Variants in C12orf76 observed in about 807,000 individuals in gnomAD.
C12orf76 encodes chromosome 12 open reading frame 76, also known as uncharacterized protein C12orf76.
Under a neutral mutation model 6.8 loss-of-function variants are expected in C12orf76, and 6 were observed. That is an observed-to-expected ratio of 0.88 (90% CI 0.48 to 1.73). The LOEUF (loss-of-function observed/expected upper bound fraction) is 1.73. C12orf76 is among the 40% of genes most tolerant of loss of function. C12orf76 has a pLI of 0.01. For synonymous variants in C12orf76, 56 were observed against 43.7 expected, an observed-to-expected ratio of 1.28 and a Z score of -1.11; for missense variants, 99 against 98.2, an observed-to-expected ratio of 1.01 and a Z score of -0.03.
upstream of C12orf76, chr12:110,050,851 C>T: frequency 3.3e-6 from 2 of 605,718 alleles, no homozygotes; most frequent in South Asian, 2.0e-5. Context: ...GCGCTAGATC[C>T]AAGAACCCCC....
chr12:110,066,028 C>T (rs1341095053), exon 2 of C12orf76: 2 of 1,586,308 alleles, frequency 1.3e-6, no homozygotes, highest in South Asian at 1.1e-5. Flanking sequence ...CAAGCTCTCA[C>T]ATCACCTAGG....
At chr12:110,058,578 T>A (rs893700587) in intron 3 of C12orf76, among the ~76,000 whole-genome samples, 2 of 152,164 alleles carry the variant, frequency 1.3e-5, no homozygotes, top group Middle Eastern at 3.4e-3. Flanking sequence ...GGCAGGAGAA[T>A]CACTTGAACC....
upstream of C12orf76, among the ~76,000 whole-genome samples, chr12:110,051,720 C>T (rs537572305): frequency 3.3e-5 from 5 of 151,818 alleles, no homozygotes; most frequent in Admixed American, 6.6e-5. Context: ...CCACCATGCC[C>T]GGCCCCCAAT....
chr12:110,048,549 T>G (rs1196924278), upstream of C12orf76: 2 of 1,370,680 alleles, frequency 1.5e-6, no homozygotes, highest in Non-Finnish European at 1.9e-6. Flanking sequence ...GCCCTGCCTC[T>G]GTCTCCTCCC....
intron 2 of C12orf76, among the ~76,000 whole-genome samples, chr12:110,061,202 G>C (rs1289585153): frequency 6.6e-6 from 1 of 151,452 alleles, no homozygotes; most frequent in Non-Finnish European, 1.5e-5. Context: ...CTTCAGTTCT[G>C]ACCTCATCTT....
chr12:110,059,910 A>G (rs1368634669), intron 2 of C12orf76, among the ~76,000 whole-genome samples: 1 of 152,208 alleles, frequency 6.6e-6, no homozygotes, highest in Non-Finnish European at 1.5e-5. Flanking sequence ...TCTCAGGAAG[A>G]AAAGTGACAG....
upstream of C12orf76, among the ~76,000 whole-genome samples, chr12:110,072,264 A>AT (rs917129920): frequency 2.0e-5 from 3 of 151,262 alleles, no homozygotes. Flanking sequence ...CCAAATCTAA[A>AT]AAAAAAAAAA....
At chr12:110,051,904 CTTT>C (rs567991255), upstream of C12orf76, among the ~76,000 whole-genome samples, 1 of 100,674 alleles carries the variant, frequency 9.9e-6, no homozygotes. Flanking sequence ...GGCAGCTACT[CTTT>C]TTTTTTTTTT....
chr12:110,048,712 G>C (rs1892519540), upstream of C12orf76: 5 of 1,213,034 alleles, frequency 4.1e-6, no homozygotes, highest in Non-Finnish European at 5.2e-6. Flanking sequence ...TTTCCGTTCA[G>C]ATCAACTTTC....
At chr12:110,059,083 ATCTGGCTC>A (rs1467299578) in exon 3 of C12orf76, 1 of 1,551,608 alleles carries the variant, frequency 6.4e-7, no homozygotes, top group Admixed American at 2.0e-5. Flanking sequence ...GAACGCAGCC[ATCTGGCTC>A]CACAGCCTCA....
intron 1 of C12orf76, 58 bp downstream of exon 1, chr12:110,048,305 C>T (rs1198577545): frequency 4.2e-6 from 6 of 1,443,228 alleles, no homozygotes; most frequent in African/African-American, 2.9e-5. Flanking sequence ...GGCTCCAGCA[C>T]CCGGAGCAGT....
chr12:110,060,590 T>C (rs1892753151), intron 2 of C12orf76, among the ~76,000 whole-genome samples: 1 of 152,130 alleles, frequency 6.6e-6, no homozygotes, highest in African/African-American at 2.4e-5. Flanking sequence ...TCAGAATCCT[T>C]TGGGGACTTC....
At chr12:110,058,813 T>C (rs1184075935) in intron 3 of C12orf76, among the ~76,000 whole-genome samples, 1 of 152,250 alleles carries the variant, frequency 6.6e-6, no homozygotes, top group African/African-American at 2.4e-5. Context: ...CTGTAACTTT[T>C]GTTCAATTTT....
At chr12:110,058,947 G>T in intron 3 of C12orf76, 1 of 1,477,664 alleles carries the variant, frequency 6.8e-7, no homozygotes, top group South Asian at 1.4e-5. Context: ...CCAAAAAAAT[G>T]AAAACAAAAA....
chr12:110,045,723 C>T (rs571131996), intron 1 of C12orf76, among the ~76,000 whole-genome samples: 11 of 152,238 alleles, frequency 7.2e-5, no homozygotes, highest in African/African-American at 2.4e-4. Flanking sequence ...CTTTGGGAGG[C>T]CGAGATGGGC....
chr12:110,048,711 A>G (rs905957578), upstream of C12orf76: 9 of 1,215,712 alleles, frequency 7.4e-6, no homozygotes, highest in African/African-American at 1.3e-4. Context: ...CTTTCCGTTC[A>G]GATCAACTTT....
upstream of C12orf76, among the ~76,000 whole-genome samples, chr12:110,069,743 G>C (rs1031897090): frequency 6.6e-6 from 1 of 152,172 alleles, no homozygotes. Flanking sequence ...CCAGATGCAA[G>C]TATCCCATTT....
upstream of C12orf76, among the ~76,000 whole-genome samples, chr12:110,068,493 C>T (rs146966520): frequency 3.3e-5 from 5 of 152,264 alleles, no homozygotes; most frequent in East Asian, 1.9e-4. Flanking sequence ...TTGTGGTTAA[C>T]GTAAGCTGGG....
At position 110,042,424 on chromosome 12, in the gene C12orf76, T is replaced by G. The variant is rs1593241310; in HGVS notation, c.169A>C (p.Thr57Pro). 15 of 1,614,064 alleles carry G rather than the reference T, an allele frequency of 9.3e-6. No homozygotes were observed. The East Asian group carries it at 3.3e-4, about 36-fold the overall frequency. The change falls in exon 2 of 2, where the codon ACT becomes CCT. Residue 57 changes from threonine to proline, a missense_variant. Thr to Pro is a conservative substitution (Grantham distance 38, BLOSUM62 -1). Coordinates refer to ENST00000615315, the MANE Select transcript of C12orf76 (RefSeq NM_001389625.1). ...MGTIFSILLV[T>P]VILMAFCVYK... is the part of the protein sequence containing the mutation. ...ACACAAAATGCCATAAGGATGACAG[T>G]CACCAGCAGGATGCTGAAAATGGTT...
Sources: gnomAD v4.1 joint callset for allele counts (sites outside exome capture counted in the v4.1 genomes callset) on GRCh38, gnomAD v4.1.1 for gene constraint, MANE v1.5 for transcripts, NCBI Gene and HGNC (gene_info 2026-07-23, HGNC 2026-07-21) for gene names.